The following BCCIP variants were observed in gnomAD, a reference collection of about 807,000 sequenced individuals.
BCCIP encodes the protein BRCA2 and CDKN1A-interacting protein.
BCCIP carries 23 observed loss-of-function variants against 32.8 expected under a neutral mutation model. The ratio of observed to expected loss-of-function variants is 0.70; its 90% confidence interval spans 0.51 to 0.99. The LOEUF (loss-of-function observed/expected upper bound fraction) is 0.99. Among genes scored for constraint, BCCIP ranks in the 50% least tolerant of loss-of-function variants. The pLI is 0.00. For synonymous variants in BCCIP, 144 were observed against 137.6 expected (o/e 1.05, Z -0.33); for missense variants, 378 against 379.8 (o/e 1.00, Z 0.04).
downstream of BCCIP, chr10:125,838,894 A>T: frequency 8.0e-7 from 1 of 1,246,440 alleles, no homozygotes; most frequent in Non-Finnish European, 1.1e-6. Flanking sequence ...ATGGATTTTT[A>T]GTTTTACTTA....
At chr10:125,823,805 G>T (rs904406641) in intron 1 of BCCIP, 83 bp downstream of exon 1, 8 of 1,557,752 alleles carry the variant, frequency 5.1e-6, no homozygotes, top group Non-Finnish European at 7.0e-6. Context: ...ATAGTGTAGG[G>T]TCTTCCCTGA....
chr10:125,824,939 G>A (rs1282480467), intron 1 of BCCIP, among the ~76,000 whole-genome samples: 3 of 152,390 alleles, frequency 2.0e-5, no homozygotes, highest in East Asian at 1.9e-4. Flanking sequence ...ATGGAGGGGA[G>A]CATGGAGAGA....
chr10:125,830,904 G>A (rs1296035654), intron 4 of BCCIP, among the ~76,000 whole-genome samples: 3 of 152,172 alleles, frequency 2.0e-5, no homozygotes, highest in African/African-American at 7.2e-5. Flanking sequence ...TACTGATGCA[G>A]GAGCTGTTTG....
chr10:125,845,334 C>G (rs1286518102), downstream of BCCIP, among the ~76,000 whole-genome samples: 1 of 152,188 alleles, frequency 6.6e-6, no homozygotes, highest in African/African-American at 2.4e-5. Flanking sequence ...TACTTTCTGC[C>G]TAATCTGGCA....
At chr10:125,835,985 T>C in intron 6 of BCCIP, 119 bp from the exon 7 acceptor site, 1 of 937,774 alleles carries the variant, frequency 1.1e-6, no homozygotes, top group Non-Finnish European at 1.6e-6. Context: ...GTTTTGCTTT[T>C]TTTTAGCTCT....
chr10:125,837,382 C>T (rs1173404742), downstream of BCCIP, among the ~76,000 whole-genome samples: 3 of 152,238 alleles, frequency 2.0e-5, no homozygotes, highest in Non-Finnish European at 4.4e-5. Context: ...AGTAGTCTCA[C>T]TCTTGCCATT....
chr10:125,841,978 A>G (rs768696487), exon 7 of BCCIP: 32 of 1,509,446 alleles, frequency 2.1e-5, no homozygotes, highest in Non-Finnish European at 2.5e-5. Context: ...TCATATGGCT[A>G]AGATGGAGAA....
chr10:125,826,686 T>C, intron 2 of BCCIP, 21 bp downstream of exon 2: 1 of 1,611,210 alleles, frequency 6.2e-7, no homozygotes, highest in South Asian at 1.1e-5. Context: ...TTATTTATTA[T>C]GCATAAATTT....
intron 6 of BCCIP, among the ~76,000 whole-genome samples, chr10:125,834,631 C>T (rs537350575): frequency 1.1e-3 from 171 of 150,758 alleles, no homozygotes; most frequent in Non-Finnish European, 2.1e-3. Flanking sequence ...GGAGAAACCC[C>T]ATCTCTACTA....
Position 125,828,454 on chromosome 10 carries a change from C to T in BCCIP, c.321+816C>T, listed in dbSNP as rs117894889. ...CACCTTAGTAATACCAAGAATACTT[C>T]GATGAGTAATATAAGTGGCAGAGCC... On this transcript the variant is annotated intron_variant, in intron 3 of 6. Coordinates refer to ENST00000278100, the MANE Select transcript of BCCIP (RefSeq NM_078468.3). Among the ~76,000 whole-genome samples, 510 of 152,014 alleles carry T rather than the reference C, an allele frequency of 3.4e-3. 2 individuals are homozygous for T. Among genetic ancestry groups the T allele is most frequent in the Non-Finnish European group, 6.0e-3 (410 of 67,984 alleles).
intron 1 of BCCIP, among the ~76,000 whole-genome samples, chr10:125,824,058 T>TC (rs1275203481): frequency 1.3e-5 from 2 of 152,182 alleles, no homozygotes; most frequent in East Asian, 3.8e-4. Context: ...GGGGGCCCTC[T>TC]CCCCTCGGGG....
At position 125,823,581 on chromosome 10, in the gene BCCIP, T is replaced by C; in HGVS notation, c.24T>C (p.Arg8=). Residue 8 remains arginine, a synonymous_variant, in exon 1 of 7, where the codon CGT becomes CGC. Coordinates refer to ENST00000278100, the MANE Select transcript of BCCIP (RefSeq NM_078468.3). MASRSKR[R]AVESGVPQPP... ...ACATGGCGTCCAGGTCTAAGCGGCG[T>C]GCCGTGGAAAGTGGGGTTCCGCAGC... 1.2e-6 allele frequency: 2 copies of C among 1,613,884 alleles called. No homozygotes were observed. Among genetic ancestry groups the C allele is most frequent in the Non-Finnish European group, 1.7e-6 (2 of 1,179,904 alleles).
downstream of BCCIP, among the ~76,000 whole-genome samples, chr10:125,843,236 C>T (rs1434452932): frequency 1.3e-5 from 2 of 152,084 alleles, no homozygotes; most frequent in Admixed American, 6.5e-5. Context: ...CCCTAAGAAG[C>T]GCTTGAACCT....
downstream of BCCIP, chr10:125,836,668 C>A: frequency 6.2e-7 from 1 of 1,612,032 alleles, no homozygotes. Flanking sequence ...CCCTGCTGCA[C>A]CTTGTGTTTG....
chr10:125,826,880 G>C (rs1284051187), intron 2 of BCCIP, among the ~76,000 whole-genome samples: 2 of 151,732 alleles, frequency 1.3e-5, no homozygotes, highest in African/African-American at 2.4e-5. Flanking sequence ...CACACCGTTA[G>C]TCCTAACTCC....
At chr10:125,841,497 G>A, downstream of BCCIP, 1 of 1,445,146 alleles carries the variant, frequency 6.9e-7, no homozygotes. Flanking sequence ...AATCTAGTAT[G>A]TTTTCATACA....
At chr10:125,832,945 A>G (rs557999313) in intron 5 of BCCIP, among the ~76,000 whole-genome samples, 6 of 151,622 alleles carry the variant, frequency 4.0e-5, no homozygotes, top group African/African-American at 1.2e-4. Flanking sequence ...CGAAACCCCA[A>G]TTCTACTAAA....
chr10:125,843,043 AC>A (rs1854924358), downstream of BCCIP, among the ~76,000 whole-genome samples: 2 of 152,170 alleles, frequency 1.3e-5, no homozygotes, highest in African/African-American at 2.4e-5. Flanking sequence ...TTAAATAAAT[AC>A]ATGTGTTTTG....
intron 3 of BCCIP, among the ~76,000 whole-genome samples, chr10:125,828,160 G>T (rs1221962937): frequency 6.6e-6 from 1 of 152,082 alleles, no homozygotes; most frequent in Non-Finnish European, 1.5e-5. Context: ...GATGAAATAT[G>T]ATGAGGTTTA....
Sources: gnomAD v4.1 joint callset for allele counts (sites outside exome capture counted in the v4.1 genomes callset) on GRCh38, gnomAD v4.1.1 for gene constraint, MANE v1.5 for transcripts, NCBI Gene and HGNC (gene_info 2026-07-23, HGNC 2026-07-21) for gene names.